The following NME9 variants were observed in gnomAD, a reference collection of about 807,000 sequenced individuals.
The protein encoded by NME9 is thioredoxin domain-containing protein 6.
In NME9, 48 loss-of-function variants were observed where a neutral mutation model predicts 44.4. The ratio of observed to expected loss-of-function variants is 1.08; its 90% CI spans 0.86 to 1.37. The LOEUF (loss-of-function observed/expected upper bound fraction) is 1.37, where lower values mean the gene tolerates loss of function less well. Ranked by LOEUF, NME9 falls within the 40% of genes most tolerant of loss-of-function variation. The probability of loss-of-function intolerance (pLI) is 0.00; values close to 1 mark genes in which losing one functional copy is unlikely to be tolerated. For synonymous variants in NME9, 139 were observed against 147.1 expected (o/e 0.94, Z 0.40); for missense variants, 325 against 405.2 (o/e 0.80, Z 1.70).
rs1271704297 is a variant in NME9 at position 138,274,618 on chromosome 3, A to G, written c.746-12032T>C. ...AGGAAGTTCTTAAGAGTCTCCTGAA[A>G]TATTCAAATCTGCAGAAGACAGAGT... On this transcript the variant is annotated intron_variant, in intron 8 of 8. Coordinates refer to the NME9 transcript ENST00000317876. 3 of 1,113,570 alleles carry G rather than the reference A, an allele frequency of 2.7e-6. No homozygotes were observed. In the Admixed American group the frequency reaches 5.7e-5, roughly 21 times the overall value. 69.0% of individuals were successfully genotyped at this position (1,113,570 alleles called of 1,614,324 possible). A position where few individuals can be genotyped will look rare whatever the true frequency, so the allele number is the denominator to read the frequency against.
intron 8 of NME9, chr3:138,262,627 C>T: frequency 6.5e-7 from 1 of 1,537,702 alleles, no homozygotes; most frequent in Non-Finnish European, 8.7e-7. Context: ...AGGTGCCTAG[C>T]CCTGACCCTG....
rs752882045 is a variant in NME9, at chr3:138,274,497, G to A, written c.746-11911C>T. The A allele has an allele frequency of 3.5e-5, 57 of 1,613,054 alleles. No homozygotes were observed. The highest frequency in any genetic ancestry group is 1.6e-4 in the South Asian group (15 of 91,068). ...TCATGGAAAGCAAATTATGCAAGCCGTCACTCTTATTCTAGAAGGGGAACA... is the reference window on the plus strand; with the variant it reads ...TCATGGAAAGCAAATTATGCAAGCCATCACTCTTATTCTAGAAGGGGAACA... On this transcript the variant is annotated intron_variant, in intron 8 of 8. Transcript: ENST00000317876.
chr3:138,262,740 A>G (rs377557269), intron 8 of NME9, among the ~76,000 whole-genome samples: 12 of 152,252 alleles, frequency 7.9e-5, no homozygotes, highest in African/African-American at 2.6e-4. Flanking sequence ...GTTAAGATCT[A>G]TTGGTCTAGG....
chr3:138,319,929 A>G (rs2053360264), intron 2 of NME9, among the ~76,000 whole-genome samples: 1 of 152,192 alleles, frequency 6.6e-6, no homozygotes, highest in African/African-American at 2.4e-5. Context: ...GAAACTGTCT[A>G]TTCTAAAAAG....
intron 8 of NME9, among the ~76,000 whole-genome samples, chr3:138,288,684 G>T (rs572000133): frequency 6.8e-6 from 1 of 146,316 alleles, no homozygotes; most frequent in South Asian, 2.2e-4. Context: ...TGTCACCCAG[G>T]CTGAGTGCAA....
At chr3:138,278,792 A>G (rs1000457625) in intron 8 of NME9, among the ~76,000 whole-genome samples, 10 of 151,936 alleles carry the variant, frequency 6.6e-5, no homozygotes, top group Admixed American at 2.0e-4. Context: ...ATTTATTCCT[A>G]TTTCATATGT....
chr3:138,279,466 G>A (rs1465213416), intron 8 of NME9, among the ~76,000 whole-genome samples: 4 of 151,988 alleles, frequency 2.6e-5, no homozygotes, highest in Non-Finnish European at 4.4e-5. Context: ...GGTAAGGAGT[G>A]TTTCACATCT....
rs1196986653 is a variant in NME9, at chr3:138,318,132, C to G, written c.267+16G>C. 1 of 1,515,280 alleles carries G rather than the reference C, an allele frequency of 6.6e-7. No individual in the cohort carries two copies. Among genetic ancestry groups the G allele is most frequent in the Non-Finnish European group, 9.2e-7 (1 of 1,089,762 alleles). 93.9% of individuals were successfully genotyped at this position (1,515,280 alleles called of 1,614,324 possible). On this transcript the variant is annotated intron_variant, in intron 4 of 10. Transcript: ENST00000333911. Reference sequence around the variant, plus strand: ...TTGCAATCGTCAAATAGTTCTGATTCTGAAAATGTACTTACTGCATAAAAC... The same window carrying G: ...TTGCAATCGTCAAATAGTTCTGATTGTGAAAATGTACTTACTGCATAAAAC...
intron 2 of NME9, among the ~76,000 whole-genome samples, chr3:138,322,013 C>A (rs755869032): frequency 1.3e-5 from 2 of 151,764 alleles, no homozygotes; most frequent in East Asian, 3.9e-4. Context: ...ACAGCATCCA[C>A]GTAGAGGATA....
intron 8 of NME9, among the ~76,000 whole-genome samples, chr3:138,265,975 A>G (rs1194833556): frequency 6.6e-6 from 1 of 152,146 alleles, no homozygotes; most frequent in East Asian, 1.9e-4. Context: ...ATGATTCACT[A>G]CTCAGGAGCT....
intron 6 of NME9, among the ~76,000 whole-genome samples, chr3:138,306,908 G>A (rs1212705989): frequency 6.6e-6 from 1 of 152,184 alleles, no homozygotes; most frequent in Admixed American, 6.5e-5. Context: ...GGGCAATACA[G>A]GCCTGGCTGC....
At chr3:138,304,612 G>C (rs546602346) in intron 9 of NME9, among the ~76,000 whole-genome samples, 1 of 152,202 alleles carries the variant, frequency 6.6e-6, no homozygotes, top group Non-Finnish European at 1.5e-5. Flanking sequence ...AGAAAACAGC[G>C]ACTGAGGAAT....
At chr3:138,262,462 C>G in exon 9 of NME9, 1 of 1,498,766 alleles carries the variant, frequency 6.7e-7, no homozygotes, top group Non-Finnish European at 9.1e-7. Flanking sequence ...ATATTTTCTT[C>G]TCTTCTTGTT....
At position 138,324,658 on chromosome 3, in the gene NME9, T is replaced by G. The variant is rs189246416; in HGVS notation, c.91+215A>C. 3.3e-5 allele frequency: 21 copies of G among 643,142 alleles called. No homozygotes were observed. In the East Asian group the frequency reaches 6.4e-4, roughly 20 times the overall value. 39.8% of individuals were successfully genotyped at this position (643,142 alleles called of 1,614,324 possible). A position where few individuals can be genotyped will look rare whatever the true frequency, so the allele number is the denominator to read the frequency against. ...CCAAACAACCCTAAGTACTGACTCA[T>G]TTCCTGAACTGAATTTACTGATATT... On this transcript the variant is annotated intron_variant, in intron 2 of 10. Coordinates refer to ENST00000333911, the MANE Select transcript of NME9 (RefSeq NM_001349018.2).
Position 138,301,210 on chromosome 3 carries a change from T to TATC in NME9, c.*429_*430insGAT, listed in dbSNP as rs2051824617. 1 of 680,038 alleles carries TATC rather than the reference T, an allele frequency of 1.5e-6. No individual in the cohort carries two copies. Among genetic ancestry groups the TATC allele is most frequent in the African/African-American group, 2.0e-5 (1 of 51,274 alleles). The allele number at this position is 680,038 out of a possible 1,614,324, so 42.1% of individuals were successfully genotyped here. On this transcript the variant is annotated 3_prime_UTR_variant, in exon 11 of 11. Coordinates refer to ENST00000333911, the MANE Select transcript of NME9 (RefSeq NM_001349018.2). The stretch of plus-strand genomic sequence containing the variant: ...TATTCTCTTTCTTTACTTTTTTTTT[T>TATC]ATTATTATTATTAAGATGGAGTCTC...
chr3:138,271,254 T>C (rs1425523396), intron 8 of NME9, among the ~76,000 whole-genome samples: 3 of 152,058 alleles, frequency 2.0e-5, no homozygotes, highest in Non-Finnish European at 2.9e-5. Context: ...CCAGGACTTA[T>C]TTTTTTTAAA....
intron 8 of NME9, chr3:138,288,944 A>G (rs1460789277): frequency 3.3e-6 from 3 of 903,952 alleles, no homozygotes; most frequent in Non-Finnish European, 5.1e-6. Flanking sequence ...GCCCTGCTTC[A>G]GACTTTTAGG....
intron 8 of NME9, among the ~76,000 whole-genome samples, chr3:138,266,730 G>A (rs756438907): frequency 6.6e-6 from 1 of 152,122 alleles, no homozygotes; most frequent in Non-Finnish European, 1.5e-5. Context: ...TGATTCGTCA[G>A]TGCTCCTGGT....
intron 6 of NME9, among the ~76,000 whole-genome samples, chr3:138,306,864 G>A (rs1241074837): frequency 6.6e-6 from 1 of 152,158 alleles, no homozygotes; most frequent in East Asian, 1.9e-4. Context: ...AGAAGAGGAG[G>A]TATAGGAGAA....
Sources: gnomAD v4.1 joint callset for allele counts (sites outside exome capture counted in the v4.1 genomes callset) on GRCh38, gnomAD v4.1.1 for gene constraint, MANE v1.5 for transcripts, NCBI Gene and HGNC (gene_info 2026-07-23, HGNC 2026-07-21) for gene names.